The following ATP8A2 variants were observed in gnomAD, a reference collection of about 807,000 sequenced individuals.
The protein encoded by ATP8A2 is ATPase phospholipid transporting 8A2.
A neutral mutation model predicts 165.6 loss-of-function variants in ATP8A2; 100 were observed. The observed-to-expected ratio is 0.60, with a 90% CI of 0.51 to 0.71. The LOEUF (loss-of-function observed/expected upper bound fraction) is 0.71, where lower values mean the gene tolerates loss of function less well. ATP8A2 is among the 30% of genes least tolerant of loss of function. The pLI is 0.00. For synonymous variants in ATP8A2, 543 were observed against 548.8 expected (o/e 0.99, Z 0.15); for missense variants, 1,227 against 1,479.5 (o/e 0.83, Z 2.80).
At chr13:25,642,829 A>C (rs1050435412) in intron 24 of ATP8A2, among the ~76,000 whole-genome samples, 1 of 152,236 alleles carries the variant, frequency 6.6e-6, no homozygotes. Flanking sequence ...TCCAACAGTG[A>C]TAGACTGGAT....
chr13:25,466,976 C>G (rs2035685398), intron 1 of ATP8A2, among the ~76,000 whole-genome samples: 1 of 152,238 alleles, frequency 6.6e-6, no homozygotes, highest in Non-Finnish European at 1.5e-5. Context: ...TATTCTCCAT[C>G]TGTCTTACAT....
At chr13:25,472,341 C>G (rs2035867780) in intron 2 of ATP8A2, among the ~76,000 whole-genome samples, 2 of 151,476 alleles carry the variant, frequency 1.3e-5, no homozygotes, top group Admixed American at 1.3e-4. Flanking sequence ...TTGCAATGAG[C>G]CCAAATCACA....
intron 35 of ATP8A2, among the ~76,000 whole-genome samples, chr13:26,000,647 C>A (rs1956613736): frequency 7.1e-6 from 1 of 141,466 alleles, no homozygotes; most frequent in Admixed American, 7.7e-5. Flanking sequence ...CTACACAACA[C>A]CTTTCATAGC....
At chr13:25,424,519 A>G (rs2034388321) in intron 1 of ATP8A2, among the ~76,000 whole-genome samples, 1 of 152,238 alleles carries the variant, frequency 6.6e-6, no homozygotes, top group South Asian at 2.1e-4. Context: ...AGTCATAGGC[A>G]TATATTTAAG....
intron 1 of ATP8A2, among the ~76,000 whole-genome samples, chr13:25,393,095 G>A (rs1308284920): frequency 6.7e-6 from 1 of 149,428 alleles, no homozygotes; most frequent in East Asian, 2.0e-4. Flanking sequence ...TTTAGTTCAT[G>A]GATACTTTTT....
chr13:25,586,871 G>A (rs2039935347), intron 23 of ATP8A2, among the ~76,000 whole-genome samples: 1 of 152,172 alleles, frequency 6.6e-6, no homozygotes, highest in Non-Finnish European at 1.5e-5. Flanking sequence ...ATTTTCTAGT[G>A]TGAAGCATTA....
At chr13:25,394,730 C>T (rs1211334324) in intron 1 of ATP8A2, among the ~76,000 whole-genome samples, 1 of 152,210 alleles carries the variant, frequency 6.6e-6, no homozygotes, top group Non-Finnish European at 1.5e-5. Context: ...GCTTACTGTC[C>T]TTCCCCTATC....
intron 33 of ATP8A2, among the ~76,000 whole-genome samples, chr13:25,940,384 C>T (rs1955038587): frequency 6.6e-6 from 1 of 152,174 alleles, no homozygotes. Flanking sequence ...CCTCTCCTCA[C>T]CCCAGGGCCT....
chr13:25,641,038 T>C (rs572382834), intron 24 of ATP8A2, among the ~76,000 whole-genome samples: 11 of 152,264 alleles, frequency 7.2e-5, no homozygotes, highest in African/African-American at 2.4e-4. Context: ...GAAAAAGCCG[T>C]TGACAAAATT....
chr13:25,917,102 A>G (rs1162935475), intron 33 of ATP8A2, among the ~76,000 whole-genome samples: 1 of 152,198 alleles, frequency 6.6e-6, no homozygotes, highest in African/African-American at 2.4e-5. Flanking sequence ...GATTGACTCT[A>G]GCCGCCCATG....
In ATP8A2 at chr13:25,968,650, A is replaced by G; in HGVS notation, c.3348A>G (p.Lys1116=). The G allele has an allele frequency of 6.2e-7, 1 of 1,613,708 alleles. No individual in the cohort carries two copies. Among genetic ancestry groups the G allele is most frequent in the Non-Finnish European group, 8.5e-7 (1 of 1,179,950 alleles). The change falls in exon 35 of 37, where the codon AAA becomes AAG. Residue 1116 remains lysine (K), a synonymous_variant. Transcript: ENST00000381655. ...AAACCAAGTCTCGAGTCCTGGGAAA[A>G]GCGGTGCTGCGGGATAGCAATGGAA... is the stretch of plus-strand genomic sequence containing the variant. The part of the protein sequence containing the change: ...ELETKSRVLG[K]AVLRDSNGKR...
intron 1 of ATP8A2, among the ~76,000 whole-genome samples, chr13:25,413,729 T>A (rs1422891051): frequency 6.6e-6 from 1 of 152,172 alleles, no homozygotes; most frequent in East Asian, 1.9e-4. Context: ...ACCAGCGATT[T>A]AGAGGCCAAG....
chr13:25,556,286 G>T (rs1593526454), intron 13 of ATP8A2, among the ~76,000 whole-genome samples: 1 of 152,168 alleles, frequency 6.6e-6, no homozygotes, highest in African/African-American at 2.4e-5. Context: ...GTTGTTTTTT[G>T]ACTTTTTAAT....
In ATP8A2 at chr13:25,434,059, C is replaced by T. The variant is rs149075665; in HGVS notation, c.77-34918C>T. Among the ~76,000 whole-genome samples the T allele has an allele frequency of 2.6e-5, 4 of 152,276 alleles. No individual in the cohort carries two copies. The East Asian group carries it at 7.7e-4, about 29-fold the overall frequency. On this transcript the variant is annotated intron_variant, in intron 1 of 36. Transcript: ENST00000381655. ...ATGGGTATACTAGAAACCCAGTCCCCACCAGGATGCAATATACCCATGTAA... is the reference window on the plus strand; with the variant it reads ...ATGGGTATACTAGAAACCCAGTCCCTACCAGGATGCAATATACCCATGTAA...
chr13:25,970,512 A>G (rs890077776), intron 35 of ATP8A2, among the ~76,000 whole-genome samples: 8 of 152,254 alleles, frequency 5.3e-5, no homozygotes, highest in Admixed American at 3.3e-4. Context: ...GGAGGGCCAC[A>G]TGCATTTTGC....
chr13:25,623,675 G>T (rs1593672681), intron 24 of ATP8A2, among the ~76,000 whole-genome samples: 1 of 151,938 alleles, frequency 6.6e-6, no homozygotes, highest in Non-Finnish European at 1.5e-5. Flanking sequence ...CACCTTCATG[G>T]ACTTTTGGAC....
intron 1 of ATP8A2, among the ~76,000 whole-genome samples, chr13:25,446,959 A>C (rs1478235748): frequency 6.6e-6 from 1 of 152,120 alleles, no homozygotes; most frequent in Non-Finnish European, 1.5e-5. Context: ...ATGCTTAAGC[A>C]ATCCTCCCAC....
intron 2 of ATP8A2, among the ~76,000 whole-genome samples, chr13:25,520,943 C>G (rs937228682): frequency 1.3e-5 from 2 of 152,150 alleles, no homozygotes; most frequent in African/African-American, 4.8e-5. Context: ...AACCTCCATG[C>G]TGTTTTCTAT....
chr13:25,776,532 G>T (rs527367794), intron 27 of ATP8A2, among the ~76,000 whole-genome samples: 1 of 152,294 alleles, frequency 6.6e-6, no homozygotes, highest in South Asian at 2.1e-4. Flanking sequence ...TTCACTCTGG[G>T]TGAGAACTTG....
Sources: allele counts gnomAD v4.1 joint callset (sites outside exome capture counted in the v4.1 genomes callset), GRCh38; gene constraint gnomAD v4.1.1; transcripts MANE v1.5; gene names NCBI Gene and HGNC (gene_info 2026-07-23, HGNC 2026-07-21).